The following TRPC5 variants were observed in gnomAD, a reference collection of about 807,000 sequenced individuals.
The protein encoded by TRPC5 is transient receptor potential cation channel subfamily C member 5, also known as short transient receptor potential channel 5.
In TRPC5, 9 loss-of-function variants were observed where a neutral mutation model predicts 56.5. The ratio of observed to expected loss-of-function variants is 0.16; its 90% CI spans 0.10 to 0.28. The LOEUF is 0.28. TRPC5 is among the 10% of genes least tolerant of loss of function. The probability of loss-of-function intolerance (pLI) is 1.00; values close to 1 mark genes in which losing one functional copy is unlikely to be tolerated. For missense variants in TRPC5, 469 were observed against 748.9 expected (o/e 0.63, Z 4.36); for synonymous variants, 282 against 278.5 (o/e 1.01, Z -0.13).
At chrX:111,872,193 C>G (rs58853967) in intron 3 of TRPC5, among the ~76,000 whole-genome samples, 4,886 of 112,224 alleles carry the variant, frequency 0.044, 282 homozygotes, top group African/African-American at 0.15. Flanking sequence ...ATTAGCAACA[C>G]AGAATGAACT....
chrX:111,803,638 T>C (rs1043816074), intron 7 of TRPC5, among the ~76,000 whole-genome samples: 5 of 112,770 alleles, frequency 4.4e-5, no homozygotes, highest in Non-Finnish European at 9.4e-5. Context: ...TTTGGCTGCA[T>C]AGATGTCTTC....
At chrX:111,861,498 T>C (rs765042678) in intron 3 of TRPC5, among the ~76,000 whole-genome samples, 27 of 111,933 alleles carry the variant, frequency 2.4e-4, no homozygotes, top group Admixed American at 6.6e-4. Context: ...AGAAAAACAA[T>C]TTTTAGTGTT....
At chrX:111,862,926 A>C (rs1206366834) in intron 3 of TRPC5, among the ~76,000 whole-genome samples, 1 of 111,967 alleles carries the variant, frequency 8.9e-6, no homozygotes, top group East Asian at 2.8e-4. Context: ...TAAGTATTTA[A>C]TTGTTTTTAA....
At chrX:111,908,814 G>T (rs12556646) in intron 3 of TRPC5, among the ~76,000 whole-genome samples, 4,288 of 111,471 alleles carry the variant, frequency 0.038, 171 homozygotes, top group East Asian at 0.22. Context: ...TAGTTAAGAG[G>T]TGCTACTTTG....
intron 1 of TRPC5, 23 bp from the exon 2 acceptor site, chrX:111,952,464 A>G (rs1214794957): frequency 1.7e-6 from 2 of 1,165,212 alleles, no homozygotes; most frequent in Non-Finnish European, 2.3e-6. Context: ...ACAGAGAAAG[A>G]CCAAAATATC....
rs752251984 is a variant in TRPC5, at chrX:111,868,408, A to T, written c.901-14302T>A. On this transcript the variant is annotated intron_variant, in intron 3 of 10. Coordinates refer to ENST00000262839, the MANE Select transcript of TRPC5 (RefSeq NM_012471.3). ...GCAAGAAAAGCATTAGGATAAAAAC[A>T]AGTCAGTTTCACAGTTAAGTCACCT... Among the ~76,000 whole-genome samples the T allele has an allele frequency of 3.5e-5, 4 of 112,719 alleles. No homozygotes were observed. The East Asian group carries it at 1.1e-3, about 31-fold the overall frequency.
At chrX:111,894,733 AT>A (rs71710331) in intron 3 of TRPC5, among the ~76,000 whole-genome samples, 16,310 of 110,630 alleles carry the variant, frequency 0.15, 2,128 homozygotes, top group African/African-American at 0.42. Context: ...AAATAAAACT[AT>A]TTTTTTTGAG....
At chrX:111,852,874 C>A (rs1923123383) in intron 4 of TRPC5, among the ~76,000 whole-genome samples, 1 of 111,607 alleles carries the variant, frequency 9.0e-6, no homozygotes, top group Admixed American at 9.6e-5. Context: ...GATCATGGAT[C>A]AAATTACCAG....
intron 7 of TRPC5, among the ~76,000 whole-genome samples, chrX:111,804,436 T>C (rs184043822): frequency 0.012 from 1,348 of 111,831 alleles, 11 homozygotes; most frequent in African/African-American, 0.033. Flanking sequence ...TATAAATTAC[T>C]TTGGGCAGTA....
At chrX:112,042,830 T>A (rs1007017098) in intron 1 of TRPC5, among the ~76,000 whole-genome samples, 4 of 111,159 alleles carry the variant, frequency 3.6e-5, no homozygotes, top group Admixed American at 2.9e-4. Context: ...TTTACCAAAT[T>A]TCCCCTCCTT....
Position 111,854,119 on chromosome X carries a change from G to A in TRPC5, c.901-13C>T. ...GCTGAGCAACAAACTGGGAAAAGAA[G>A]AAAACAAGTTAGGCATCTGGAATGT... On this transcript the variant is annotated splice_polypyrimidine_tract_variant and intron_variant, in intron 3 of 10. Transcript: ENST00000262839. 8.4e-7 allele frequency: 1 copy of A among 1,192,439 alleles called. No individual in the cohort carries two copies. Among genetic ancestry groups the A allele is most frequent in the Non-Finnish European group, 1.1e-6 (1 of 884,624 alleles).
Position 111,776,760 on chromosome X carries a change from T to C in TRPC5, c.2475A>G (p.Gly825=). ...RTMPRSSGAQ[G]KSKAESSSKR... is the part of the protein sequence containing the mutation. ...TGCTTGATGACTCAGCTTTTGACTT[T>C]CCTTGGGCACCACTGGACCTTGGCA... The change falls in exon 11 of 11, where the codon GGA becomes GGG. Residue 825 remains glycine (G), a synonymous_variant. Transcript: ENST00000262839. 1 of 1,210,858 alleles carries C rather than the reference T, an allele frequency of 8.3e-7. No individual in the cohort carries two copies. The highest frequency in any genetic ancestry group is 1.1e-6 in the Non-Finnish European group (1 of 895,158).
At chrX:111,833,783 ATATATC>A (rs1011807097) in intron 7 of TRPC5, among the ~76,000 whole-genome samples, 1 of 111,370 alleles carries the variant, frequency 9.0e-6, no homozygotes, top group African/African-American at 3.3e-5. Flanking sequence ...ACATACATAT[ATATATC>A]TATGTATATG....
intron 3 of TRPC5, among the ~76,000 whole-genome samples, chrX:111,887,725 C>T (rs904998816): frequency 2.7e-5 from 3 of 111,731 alleles, no homozygotes; most frequent in African/African-American, 9.8e-5. Flanking sequence ...AAACATAAAA[C>T]GCTATAAAAA....
intron 2 of TRPC5, among the ~76,000 whole-genome samples, chrX:111,916,310 G>A (rs916500521): frequency 3.6e-5 from 4 of 111,574 alleles, no homozygotes; most frequent in Non-Finnish European, 7.5e-5. Flanking sequence ...GAACTACTAC[G>A]AGGTCTCACA....
In TRPC5 at chrX:112,069,682, G is replaced by A. The variant is rs184097664; in HGVS notation, c.-22+12197C>T. 6.8e-3 allele frequency among the ~76,000 whole-genome samples: 757 copies of A among 112,117 alleles called. 3 individuals are homozygous for A. The highest frequency in any genetic ancestry group is 0.011 in the Non-Finnish European group (602 of 53,209). ...GTTCTCTGAATCTGTAGCCTCCTCA[G>A]ACAACGTCTCCTTCCCTGACTTCTG... On this transcript the variant is annotated intron_variant, in intron 1 of 10. Coordinates refer to ENST00000262839, the MANE Select transcript of TRPC5 (RefSeq NM_012471.3).
At chrX:111,913,978 A>G (rs1253302328) in intron 2 of TRPC5, among the ~76,000 whole-genome samples, 6 of 78,270 alleles carry the variant, frequency 7.7e-5, no homozygotes, top group Non-Finnish European at 1.3e-4. Context: ...AAAAAAAAAA[A>G]AGTCTCTTTT....
chrX:111,818,332 A>G (rs190245887), intron 7 of TRPC5, among the ~76,000 whole-genome samples: 44 of 111,109 alleles, frequency 4.0e-4, no homozygotes, highest in African/African-American at 1.4e-3. Context: ...CTATTATTCT[A>G]TTTTTTCTCA....
rs1226336414 is a variant in TRPC5, at chrX:111,787,247, G to C, written c.1897-5109C>G. 4.5e-5 allele frequency among the ~76,000 whole-genome samples: 5 copies of C among 111,754 alleles called. No individual in the cohort carries two copies. In the East Asian group the frequency reaches 1.4e-3, roughly 31 times the overall value. On this transcript the variant is annotated intron_variant, in intron 7 of 10. Coordinates refer to ENST00000262839, the MANE Select transcript of TRPC5 (RefSeq NM_012471.3). ...CAATCAAATTAGAACTCAGGGTTAA[G>C]AAAATCACTCAAAACTGCACAACTA...
Sources: gnomAD v4.1 joint callset for allele counts (sites outside exome capture counted in the v4.1 genomes callset) on GRCh38, gnomAD v4.1.1 for gene constraint, MANE v1.5 for transcripts, NCBI Gene and HGNC (gene_info 2026-07-23, HGNC 2026-07-21) for gene names.